The following INPP4B variants were observed in gnomAD, a reference collection of about 807,000 sequenced individuals.
The protein encoded by INPP4B is inositol polyphosphate-4-phosphatase type II B, also known as inositol polyphosphate 4-phosphatase type II.
Under a neutral mutation model 122.5 loss-of-function variants are expected in INPP4B, and 55 were observed. That is an observed-to-expected ratio of 0.45 (90% CI 0.36 to 0.56). The LOEUF (loss-of-function observed/expected upper bound fraction) is 0.56, where lower values mean the gene tolerates loss of function less well. INPP4B is among the 20% of genes least tolerant of loss of function. The pLI, the probability that INPP4B is intolerant of heterozygous loss-of-function variation, is 0.00. For missense variants in INPP4B, 1,000 were observed against 1,097.7 expected, an observed-to-expected ratio of 0.91 and a Z score of 1.26; for synonymous variants, 403 against 388.7, an observed-to-expected ratio of 1.04 and a Z score of -0.43.
At chr4:142,164,382 A>G (rs1452183768) in intron 16 of INPP4B, among the ~76,000 whole-genome samples, 1 of 151,920 alleles carries the variant, frequency 6.6e-6, no homozygotes, top group Non-Finnish European at 1.5e-5. Context: ...ATACAGAAGC[A>G]GCCAATGGCA....
chr4:142,844,212 C>G (rs555050875), intron 1 of INPP4B, among the ~76,000 whole-genome samples: 1 of 152,238 alleles, frequency 6.6e-6, no homozygotes, highest in African/African-American at 2.4e-5. Context: ...TCTGGTTGTT[C>G]TTACACTTTA....
chr4:142,546,226 T>C (rs1829632940), intron 2 of INPP4B, among the ~76,000 whole-genome samples: 1 of 152,116 alleles, frequency 6.6e-6, no homozygotes, highest in African/African-American at 2.4e-5. Context: ...CTAAGGATAA[T>C]GGCCTCCAGC....
Position 142,365,747 on chromosome 4 carries a change from T to A in INPP4B, c.372+37191A>T, listed in dbSNP as rs545454890. 1.0e-3 allele frequency among the ~76,000 whole-genome samples: 152 copies of A among 146,300 alleles called. 1 individual carries two copies. Among genetic ancestry groups the A allele is most frequent in the Middle Eastern group, 7.0e-3 (2 of 284 alleles). ...ACTATAGATCACATGCCACTATTTT[T>A]AACAAATATTAAATTTTTACAATTT... On this transcript the variant is annotated intron_variant, in intron 7 of 25. Transcript: ENST00000262992.
chr4:142,147,085 T>A (rs1811172680), intron 17 of INPP4B, among the ~76,000 whole-genome samples: 1 of 152,176 alleles, frequency 6.6e-6, no homozygotes, highest in African/African-American at 2.4e-5. Context: ...TCTCCAGGCA[T>A]AATACCCAGA....
intron 20 of INPP4B, 37 bp downstream of exon 20, chr4:142,123,255 G>T: frequency 1.3e-6 from 2 of 1,499,814 alleles, no homozygotes; most frequent in Non-Finnish European, 1.8e-6. Context: ...CTTCTGAATA[G>T]AAATGTGATT....
intron 1 of INPP4B, among the ~76,000 whole-genome samples, chr4:142,726,273 T>C (rs1468881032): frequency 6.6e-6 from 1 of 152,214 alleles, no homozygotes; most frequent in Non-Finnish European, 1.5e-5. Flanking sequence ...TGGAATACAA[T>C]GGACTGAAAT....
intron 15 of INPP4B, among the ~76,000 whole-genome samples, chr4:142,182,473 G>A (rs1197429171): frequency 6.8e-6 from 1 of 147,542 alleles, no homozygotes; most frequent in Non-Finnish European, 1.5e-5. Flanking sequence ...GCTTGAACCC[G>A]GGAGGCGGAG....
intron 2 of INPP4B, among the ~76,000 whole-genome samples, chr4:142,640,620 A>T (rs181153380): frequency 6.6e-6 from 1 of 152,204 alleles, no homozygotes; most frequent in East Asian, 1.9e-4. Context: ...ATTAGAGATA[A>T]ATTAAAAATT....
chr4:142,169,641 C>T (rs977746665), intron 16 of INPP4B, among the ~76,000 whole-genome samples: 2 of 151,588 alleles, frequency 1.3e-5, no homozygotes, highest in Non-Finnish European at 1.5e-5. Context: ...GTTGAAAGAA[C>T]AGTAGGAATT....
At chr4:142,834,346 C>T (rs1782529379) in intron 1 of INPP4B, among the ~76,000 whole-genome samples, 1 of 152,146 alleles carries the variant, frequency 6.6e-6, no homozygotes, top group African/African-American at 2.4e-5. Flanking sequence ...ACCTGTCACT[C>T]CTTTCTACTA....
At chr4:142,276,527 T>A (rs545295278) in intron 9 of INPP4B, among the ~76,000 whole-genome samples, 1 of 151,930 alleles carries the variant, frequency 6.6e-6, no homozygotes, top group Non-Finnish European at 1.5e-5. Context: ...TATGTAATTA[T>A]GAGCAGGCAA....
At chr4:142,292,794 A>G (rs1224802075) in intron 9 of INPP4B, among the ~76,000 whole-genome samples, 3 of 152,204 alleles carry the variant, frequency 2.0e-5, no homozygotes, top group Non-Finnish European at 4.4e-5. Context: ...ATAGGAAAAA[A>G]GAAGTAACAT....
In INPP4B at chr4:142,618,825, A is replaced by G. The variant is rs539595547; in HGVS notation, c.-191+107014T>C. ...ATGGAGAAAATTTTTTGCAAATACT[A>G]TATCTAATAAGGGATTACTATCTAA... On this transcript the variant is annotated intron_variant, in intron 2 of 25. Coordinates refer to ENST00000262992, the MANE Select transcript of INPP4B (RefSeq NM_001101669.3). Among the ~76,000 whole-genome samples, 15 of 152,116 alleles carry G rather than the reference A, an allele frequency of 9.9e-5. No homozygotes were observed. The East Asian group carries it at 2.5e-3, about 26-fold the overall frequency.
chr4:142,584,083 C>T (rs562425328), intron 2 of INPP4B, among the ~76,000 whole-genome samples: 128 of 152,066 alleles, frequency 8.4e-4, no homozygotes, highest in African/African-American at 2.9e-3. Context: ...GCCCTGTACT[C>T]TCCTTTTATA....
chr4:142,166,785 A>G (rs1056490014), intron 16 of INPP4B, among the ~76,000 whole-genome samples: 7 of 151,972 alleles, frequency 4.6e-5, no homozygotes, highest in Non-Finnish European at 1.0e-4. Context: ...ACAGATAACA[A>G]AAAAGCTCAA....
intron 2 of INPP4B, among the ~76,000 whole-genome samples, chr4:142,502,177 C>T (rs1227440528): frequency 6.6e-6 from 1 of 152,188 alleles, no homozygotes; most frequent in Non-Finnish European, 1.5e-5. Flanking sequence ...AACAGATCCT[C>T]TGGTGTCTAA....
intron 2 of INPP4B, among the ~76,000 whole-genome samples, chr4:142,696,505 CA>C (rs201657228): frequency 6.6e-6 from 1 of 152,194 alleles, no homozygotes; most frequent in African/African-American, 2.4e-5. Flanking sequence ...TCCCTTTCCC[CA>C]CCCCAGCCCT....
intron 2 of INPP4B, among the ~76,000 whole-genome samples, chr4:142,621,162 T>C (rs2150373000): frequency 6.6e-6 from 1 of 152,032 alleles, no homozygotes; most frequent in East Asian, 1.9e-4. Flanking sequence ...GGTCTGCTAC[T>C]TTATTATGCA....
chr4:142,214,760 T>G (rs1846349485), intron 12 of INPP4B, among the ~76,000 whole-genome samples: 1 of 152,102 alleles, frequency 6.6e-6, no homozygotes, highest in Admixed American at 6.5e-5. Flanking sequence ...ACCGTGTTAG[T>G]CAGGCTGGAC....
Sources: gnomAD v4.1 joint callset for allele counts (sites outside exome capture counted in the v4.1 genomes callset) on GRCh38, gnomAD v4.1.1 for gene constraint, MANE v1.5 for transcripts, NCBI Gene and HGNC (gene_info 2026-07-23, HGNC 2026-07-21) for gene names.